The following RREB1 variants were observed in gnomAD, a reference collection of about 807,000 sequenced individuals.
RREB1 encodes the protein ras-responsive element-binding protein 1.
A neutral mutation model predicts 117.8 loss-of-function variants in RREB1; 27 were observed. The ratio of observed to expected loss-of-function variants is 0.23; its 90% CI spans 0.17 to 0.32. RREB1 has a LOEUF of 0.32. Among genes scored for constraint, RREB1 ranks in the 10% least tolerant of loss-of-function variants. The probability of loss-of-function intolerance (pLI) is 1.00; values close to 1 mark genes in which losing one functional copy is unlikely to be tolerated. For missense variants in RREB1, 2,577 were observed against 2,378.2 expected (o/e 1.08, Z -1.74); for synonymous variants, 1,298 against 1,026.7 (o/e 1.26, Z -5.05).
chr6:7,189,383 C>T, intron 6 of RREB1, 61 bp downstream of exon 6: 1 of 1,465,888 alleles, frequency 6.8e-7, no homozygotes, highest in East Asian at 2.5e-5. Flanking sequence ...GCAGGCAGGA[C>T]AGTGGCCTCT....
chr6:7,248,969 C>T lies in RREB1; in HGVS notation c.*1C>T, dbSNP rs1769280164. 1 of 1,473,642 alleles carries T rather than the reference C, an allele frequency of 6.8e-7. No homozygotes were observed. The highest frequency in any genetic ancestry group is 9.0e-7 in the Non-Finnish European group (1 of 1,116,626). 91.3% of individuals were successfully genotyped at this position (1,473,642 alleles called of 1,614,324 possible). ...CTCCCAGCTCGTGGGGATGGAGTGA[C>T]AGCCTCAGTCCCCCTCAGCACAGAC... On this transcript the variant is annotated 3_prime_UTR_variant, in exon 13 of 13. Transcript: ENST00000379938.
At chr6:7,207,265 A>C (rs1040202939) in intron 6 of RREB1, among the ~76,000 whole-genome samples, 2 of 152,224 alleles carry the variant, frequency 1.3e-5, no homozygotes, top group Admixed American at 1.3e-4. Context: ...GGCAAAGAGC[A>C]TACATATTTA....
At chr6:7,122,982 C>G (rs546994077) in intron 1 of RREB1, among the ~76,000 whole-genome samples, 2 of 152,176 alleles carry the variant, frequency 1.3e-5, no homozygotes, top group African/African-American at 4.8e-5. Context: ...CACACATACT[C>G]TCTGTTGGGT....
At chr6:7,138,827 G>C (rs141548649) in intron 1 of RREB1, among the ~76,000 whole-genome samples, 5 of 152,312 alleles carry the variant, frequency 3.3e-5, no homozygotes, top group Non-Finnish European at 7.3e-5. Context: ...CTTGTTCCTA[G>C]TTGCTGGAGA....
chr6:7,170,475 A>C (rs1013835332), intron 1 of RREB1, among the ~76,000 whole-genome samples: 4 of 152,086 alleles, frequency 2.6e-5, no homozygotes, highest in African/African-American at 4.8e-5. Flanking sequence ...TTTGGAGGTG[A>C]TCCACAACCA....
chr6:7,242,640 G>GT (rs1554128688), intron 11 of RREB1, among the ~76,000 whole-genome samples: 7,171 of 110,948 alleles, frequency 0.065, 599 homozygotes, highest in African/African-American at 0.22. Context: ...TTCATTCTGG[G>GT]TTCCCCCCCC....
chr6:7,137,831 T>C (rs1048036334), intron 1 of RREB1, among the ~76,000 whole-genome samples: 1 of 152,146 alleles, frequency 6.6e-6, no homozygotes, highest in African/African-American at 2.4e-5. Context: ...TTTCAGAGTC[T>C]CTTGCCTGGT....
chr6:7,138,086 C>T (rs1482507255), intron 1 of RREB1, among the ~76,000 whole-genome samples: 1 of 152,052 alleles, frequency 6.6e-6, no homozygotes, highest in Non-Finnish European at 1.5e-5. Context: ...ATTAGACACC[C>T]TTTGTGCACT....
intron 4 of RREB1, among the ~76,000 whole-genome samples, chr6:7,185,910 G>A (rs1765057125): frequency 6.6e-6 from 1 of 152,192 alleles, no homozygotes; most frequent in Non-Finnish European, 1.5e-5. Context: ...CAGGTTACTT[G>A]CCTCTGTGTA....
At chr6:7,200,275 TGTGTGTA>T (rs1467751683) in intron 6 of RREB1, among the ~76,000 whole-genome samples, 17 of 118,780 alleles carry the variant, frequency 1.4e-4, no homozygotes, top group African/African-American at 4.1e-4. Flanking sequence ...TGTGTGTGTG[TGTGTGTA>T]TTTTTTTTTT....
At chr6:7,194,055 A>G (rs1561773645) in intron 6 of RREB1, among the ~76,000 whole-genome samples, 2 of 152,210 alleles carry the variant, frequency 1.3e-5, no homozygotes, top group South Asian at 4.1e-4. Flanking sequence ...TCCCAGTAGC[A>G]TATTCTATGT....
At chr6:7,185,636 G>T (rs978821386) in intron 4 of RREB1, among the ~76,000 whole-genome samples, 4 of 152,108 alleles carry the variant, frequency 2.6e-5, no homozygotes, top group Non-Finnish European at 5.9e-5. Flanking sequence ...GGAGTGAGAG[G>T]GAAGGTGGCT....
In RREB1 at chr6:7,240,447, C is replaced by T. The variant is rs757245533; in HGVS notation, c.3818C>T (p.Pro1273Leu). Residue 1273 changes from proline to leucine, a missense_variant, in exon 11 of 13, where the codon CCC becomes CTC. By Grantham distance (98) the Pro-to-Leu change is moderately conservative. Transcript: ENST00000379938. ...RHMLTHTGQKPFPCQKCDAFF... is the reference protein window; with the variant it reads ...RHMLTHTGQKLFPCQKCDAFF... ...TTTTTTCCTGCTTCAGGTCAGAAAC[C>T]CTTCCCTTGTCAAAAATGCGATGCC... The T allele has an allele frequency of 1.2e-6, 2 of 1,612,856 alleles. No individual in the cohort carries two copies. The highest frequency in any genetic ancestry group is 1.7e-6 in the Non-Finnish European group (2 of 1,179,326).
At chr6:7,210,649 G>A (rs376921300) in intron 6 of RREB1, among the ~76,000 whole-genome samples, 155 bp from the exon 7 acceptor site, 2 of 152,306 alleles carry the variant, frequency 1.3e-5, no homozygotes, top group South Asian at 2.1e-4. Context: ...GGAGATTATA[G>A]AGTTTTAAAA....
Position 7,243,672 on chromosome 6 carries a change from G to T in RREB1, c.3974-2752G>T, listed in dbSNP as rs554698951. 9.9e-5 allele frequency among the ~76,000 whole-genome samples: 15 copies of T among 152,282 alleles called. No homozygotes were observed. The South Asian group carries it at 2.9e-3, about 29-fold the overall frequency. ...AAAACACTCCCCCTAGTGGGAGTTT[G>T]GTAGAATACAACCAAGCCCCCTGTG... On this transcript the variant is annotated intron_variant, in intron 11 of 12. Coordinates refer to ENST00000379938, the MANE Select transcript of RREB1 (RefSeq NM_001003699.4).
intron 4 of RREB1, among the ~76,000 whole-genome samples, chr6:7,186,417 G>T (rs1204665899): frequency 6.6e-6 from 1 of 152,176 alleles, no homozygotes; most frequent in Non-Finnish European, 1.5e-5. Flanking sequence ...ACTCCGATGT[G>T]GCACGTCCAG....
intron 1 of RREB1, among the ~76,000 whole-genome samples, chr6:7,145,608 A>G (rs1022629270): frequency 2.1e-4 from 32 of 152,054 alleles, no homozygotes; most frequent in African/African-American, 7.5e-4. Context: ...GACCTAGCTC[A>G]GCCTAATTTC....
rs397961662 is a variant in RREB1, at chr6:7,209,572, CTT to C, written c.426-1214_426-1213del. On this transcript the variant is annotated intron_variant, in intron 6 of 12. Coordinates refer to ENST00000379938, the MANE Select transcript of RREB1 (RefSeq NM_001003699.4). ...TCTTAATTATTATTCTATTTCTTTC[CTT>C]TTTTTTTTTTTTTTTTTGAGACCGG... Among the ~76,000 whole-genome samples the C allele has an allele frequency of 6.3e-3, 812 of 129,272 alleles. 3 individuals are homozygous for C. The highest frequency in any genetic ancestry group is 0.022 in the African/African-American group (725 of 33,208). The allele number at this position is 129,272 out of a possible 152,430, so 84.8% of individuals were successfully genotyped here. A position where few individuals can be genotyped will look rare whatever the true frequency, so the allele number is the denominator to read the frequency against.
At position 7,247,374 on chromosome 6, in the gene RREB1, A is replaced by G. The variant is rs1009186073; in HGVS notation, c.4771+153A>G. 3.8e-4 allele frequency among the ~76,000 whole-genome samples: 58 copies of G among 151,846 alleles called. 1 individual carries two copies. Among genetic ancestry groups the G allele is most frequent in the Admixed American group, 3.3e-3 (50 of 15,244 alleles). On this transcript the variant is annotated intron_variant, in intron 12 of 12. Coordinates refer to ENST00000379938, the MANE Select transcript of RREB1 (RefSeq NM_001003699.4). ...TTAAGCCCGTGAACTAGGAGTTTTA[A>G]GGAGTTGTACTCTCAGCCCTTGAAG...
Sources: gnomAD v4.1 joint callset for allele counts (sites outside exome capture counted in the v4.1 genomes callset) on GRCh38, gnomAD v4.1.1 for gene constraint, MANE v1.5 for transcripts, NCBI Gene and HGNC (gene_info 2026-07-23, HGNC 2026-07-21) for gene names.